SCFD2: variants seen among roughly 807,000 people sequenced by gnomAD.
SCFD2 encodes sec1 family domain-containing protein 2.
Under a neutral mutation model 58.9 loss-of-function variants are expected in SCFD2, and 54 were observed. The ratio of observed to expected loss-of-function variants is 0.92; its 90% CI spans 0.74 to 1.15. The LOEUF is 1.15. Ranked by LOEUF, SCFD2 falls within the 50% of genes most tolerant of loss-of-function variation. The pLI, the probability that SCFD2 is intolerant of heterozygous loss-of-function variation, is 0.00. For missense variants in SCFD2, 805 were observed against 836.6 expected (o/e 0.96, Z 0.47); for synonymous variants, 321 against 335.9 (o/e 0.96, Z 0.49).
intron 3 of SCFD2, among the ~76,000 whole-genome samples, chr4:53,287,788 T>TC (rs1476797351): frequency 6.6e-6 from 1 of 152,068 alleles, no homozygotes; most frequent in African/African-American, 2.4e-5. Context: ...AAAATAGTAA[T>TC]CTTAAAGAGA....
chr4:53,002,898 A>G (rs1721896368), intron 5 of SCFD2, among the ~76,000 whole-genome samples: 1 of 152,194 alleles, frequency 6.6e-6, no homozygotes, highest in African/African-American at 2.4e-5. Flanking sequence ...TCATGGCGGA[A>G]GGCAAAACGG....
At chr4:52,969,117 C>T (rs1185480606) in intron 5 of SCFD2, among the ~76,000 whole-genome samples, 1 of 152,186 alleles carries the variant, frequency 6.6e-6, no homozygotes, top group Non-Finnish European at 1.5e-5. Flanking sequence ...CAGACTCTCC[C>T]TCACCCGTGA....
chr4:53,228,121 G>T (rs565977198), intron 4 of SCFD2, among the ~76,000 whole-genome samples: 2 of 152,246 alleles, frequency 1.3e-5, no homozygotes, highest in African/African-American at 4.8e-5. Flanking sequence ...TGTAAGGTTT[G>T]AATAAGACAA....
At chr4:53,334,170 A>T (rs1234035784) in intron 2 of SCFD2, among the ~76,000 whole-genome samples, 1 of 151,006 alleles carries the variant, frequency 6.6e-6, no homozygotes, top group East Asian at 2.0e-4. Context: ...AAACTAGTTC[A>T]ACCATTGTGG....
At chr4:52,970,240 C>A (rs1721063838) in intron 5 of SCFD2, among the ~76,000 whole-genome samples, 1 of 152,222 alleles carries the variant, frequency 6.6e-6, no homozygotes, top group Non-Finnish European at 1.5e-5. Context: ...CCGGTAAGTG[C>A]AAGGGGTCAG....
intron 4 of SCFD2, among the ~76,000 whole-genome samples, chr4:53,267,591 T>C (rs1731029980): frequency 6.6e-6 from 1 of 152,132 alleles, no homozygotes; most frequent in South Asian, 2.1e-4. Flanking sequence ...ATTTAAGAGA[T>C]TGGGCGGAGG....
intron 4 of SCFD2, among the ~76,000 whole-genome samples, chr4:53,168,633 A>G (rs1184075852): frequency 6.6e-6 from 1 of 152,248 alleles, no homozygotes; most frequent in East Asian, 1.9e-4. Flanking sequence ...GATATATTAT[A>G]GTTGTACATA....
At chr4:53,049,936 C>T (rs182433580) in intron 5 of SCFD2, among the ~76,000 whole-genome samples, 2 of 152,014 alleles carry the variant, frequency 1.3e-5, no homozygotes, top group East Asian at 3.9e-4. Flanking sequence ...CTTTGATTGG[C>T]ATGTATTCAT....
At chr4:53,182,003 G>T (rs1391626990) in intron 4 of SCFD2, among the ~76,000 whole-genome samples, 1 of 152,078 alleles carries the variant, frequency 6.6e-6, no homozygotes, top group East Asian at 1.9e-4. Flanking sequence ...AAATAAAAGA[G>T]GATACAAACA....
chr4:53,027,841 A>G (rs1306274339), intron 5 of SCFD2, among the ~76,000 whole-genome samples: 6 of 152,128 alleles, frequency 3.9e-5, no homozygotes, highest in African/African-American at 1.2e-4. Flanking sequence ...ATAAATACAT[A>G]AAGAAAAACA....
At chr4:53,237,527 C>CCA (rs1257748738) in intron 4 of SCFD2, among the ~76,000 whole-genome samples, 2 of 68,552 alleles carry the variant, frequency 2.9e-5, no homozygotes. Context: ...GGCTGACCCC[C>CCA]ACCTCTCTCC....
chr4:53,208,872 G>GCT (rs1488654992), intron 4 of SCFD2, among the ~76,000 whole-genome samples: 1 of 152,154 alleles, frequency 6.6e-6, no homozygotes, highest in African/African-American at 2.4e-5. Context: ...ATCTCAAGAA[G>GCT]CTCGGCCCTT....
intron 5 of SCFD2, among the ~76,000 whole-genome samples, chr4:53,081,985 T>C (rs561073161): frequency 6.6e-6 from 1 of 152,306 alleles, no homozygotes; most frequent in African/African-American, 2.4e-5. Flanking sequence ...GCTTCTTTAA[T>C]GTAGCATAAT....
intron 5 of SCFD2, among the ~76,000 whole-genome samples, chr4:53,122,010 A>C (rs569134515): frequency 1.3e-5 from 2 of 152,162 alleles, no homozygotes; most frequent in African/African-American, 4.8e-5. Flanking sequence ...TTTGAACCCA[A>C]TTCTGACCTG....
At chr4:53,183,149 T>C (rs1300263813) in intron 4 of SCFD2, among the ~76,000 whole-genome samples, 1 of 152,212 alleles carries the variant, frequency 6.6e-6, no homozygotes, top group African/African-American at 2.4e-5. Flanking sequence ...ATCCCATTAC[T>C]GGGTATATAC....
intron 5 of SCFD2, among the ~76,000 whole-genome samples, chr4:53,074,984 C>T (rs1242202635): frequency 1.3e-5 from 2 of 152,194 alleles, no homozygotes; most frequent in African/African-American, 2.4e-5. Flanking sequence ...ATTGGTTTCT[C>T]TCTACCTATG....
chr4:53,060,478 T>A (rs962656855), intron 5 of SCFD2, among the ~76,000 whole-genome samples: 8 of 152,168 alleles, frequency 5.3e-5, no homozygotes, highest in African/African-American at 1.9e-4. Context: ...CTGCAAAGGT[T>A]CTCAAAGTGT....
intron 4 of SCFD2, among the ~76,000 whole-genome samples, chr4:53,218,689 C>T (rs564797380): frequency 6.6e-6 from 1 of 152,232 alleles, no homozygotes; most frequent in Non-Finnish European, 1.5e-5. Context: ...TGGCGACGAG[C>T]TGCATTCCTT....
chr4:53,152,954 G>T (rs1726556621), intron 4 of SCFD2, among the ~76,000 whole-genome samples: 1 of 152,224 alleles, frequency 6.6e-6, no homozygotes. Context: ...ACACTGGTGT[G>T]AGAAGTAGGC....
Sources: allele counts gnomAD v4.1 joint callset (sites outside exome capture counted in the v4.1 genomes callset), GRCh38; gene constraint gnomAD v4.1.1; transcripts MANE v1.5; gene names NCBI Gene and HGNC (gene_info 2026-07-23, HGNC 2026-07-21).